MUSK: variants seen among roughly 807,000 people sequenced by gnomAD.
The protein encoded by MUSK is muscle associated receptor tyrosine kinase.
In MUSK, 55 loss-of-function variants were observed where a neutral mutation model predicts 88.7. That is an observed-to-expected ratio of 0.62 (90% confidence interval 0.50 to 0.78). The LOEUF (loss-of-function observed/expected upper bound fraction) is 0.78. Among genes scored for constraint, MUSK ranks in the 30% least tolerant of loss-of-function variants. The probability of loss-of-function intolerance (pLI) is 0.00; values close to 1 mark genes in which losing one functional copy is unlikely to be tolerated. For synonymous variants in MUSK, 387 were observed against 391.9 expected (o/e 0.99, Z 0.15); for missense variants, 1,015 against 1,074.3 (o/e 0.94, Z 0.77).
intron 2 of MUSK, among the ~76,000 whole-genome samples, 156 bp downstream of exon 2, chr9:110,682,956 A>T (rs1587891061): frequency 2.0e-5 from 3 of 152,100 alleles, no homozygotes. Context: ...CCCCTCAAGC[A>T]TTAATCATTT....
chr9:110,722,002 T>C lies in MUSK; in HGVS notation c.629-12249T>C, dbSNP rs143123412. 2.9e-3 allele frequency among the ~76,000 whole-genome samples: 438 copies of C among 152,252 alleles called. 3 individuals carry two copies. Among genetic ancestry groups the C allele is most frequent in the African/African-American group, 0.01 (424 of 41,564 alleles). On this transcript the variant is annotated intron_variant, in intron 5 of 14. Transcript: ENST00000374448. Reference sequence around the variant, plus strand: ...AGTATAAAGTGGGGAAAGGACACCCTATTCAATAAATGGTGCTGGGATAAT... The same window carrying C: ...AGTATAAAGTGGGGAAAGGACACCCCATTCAATAAATGGTGCTGGGATAAT...
rs534577730 is a variant in MUSK at position 110,760,392 on chromosome 9, A to G, written c.914-1810A>G. On this transcript the variant is annotated intron_variant, in intron 7 of 14. Coordinates refer to ENST00000374448, the MANE Select transcript of MUSK (RefSeq NM_005592.4). ...ATACTACGTGGTCATAAAAAATAAT[A>G]AGATCATGTCCTTTGCAGGAACATG... Among the ~76,000 whole-genome samples, 13 of 152,282 alleles carry G rather than the reference A, an allele frequency of 8.5e-5. No individual in the cohort carries two copies. The East Asian group carries it at 2.5e-3, about 29-fold the overall frequency.
chr9:110,703,386 C>T (rs922478060), intron 5 of MUSK, among the ~76,000 whole-genome samples: 7 of 151,746 alleles, frequency 4.6e-5, no homozygotes, highest in African/African-American at 7.3e-5. Context: ...AAAAATTAGC[C>T]GGGCGTGGTG....
chr9:110,699,236 A>G (rs1486640911), intron 5 of MUSK, among the ~76,000 whole-genome samples: 1 of 152,130 alleles, frequency 6.6e-6, no homozygotes. Flanking sequence ...TTAGTGCTTT[A>G]AAAGTTAATA....
chr9:110,689,322 AAATATATATTT>A (rs2076251708), intron 3 of MUSK, among the ~76,000 whole-genome samples: 1 of 117,488 alleles, frequency 8.5e-6, no homozygotes, highest in South Asian at 2.5e-4. Context: ...AATATATATT[AAATATATATTT>A]AAATATAAAT....
chr9:110,774,713 ATTG>A (rs977565106), intron 9 of MUSK, among the ~76,000 whole-genome samples: 2 of 152,144 alleles, frequency 1.3e-5, no homozygotes, highest in African/African-American at 4.8e-5. Context: ...TATAAATCCC[ATTG>A]TTTTCTTCAT....
intron 7 of MUSK, among the ~76,000 whole-genome samples, chr9:110,750,083 G>GGA (rs919794903): frequency 6.2e-5 from 4 of 64,936 alleles, no homozygotes; most frequent in South Asian, 5.5e-4. Flanking sequence ...ACACACACAT[G>GGA]GAGAGAGAGA....
chr9:110,713,910 G>T (rs560073434), intron 5 of MUSK, among the ~76,000 whole-genome samples: 1 of 152,218 alleles, frequency 6.6e-6, no homozygotes, highest in African/African-American at 2.4e-5. Flanking sequence ...ACGTACCATG[G>T]TTATACAGGA....
At chr9:110,733,029 G>A (rs535181548) in intron 5 of MUSK, among the ~76,000 whole-genome samples, 2 of 152,158 alleles carry the variant, frequency 1.3e-5, no homozygotes, top group South Asian at 4.1e-4. Context: ...AGCACATGTG[G>A]TCTCCCATAC....
intron 6 of MUSK, among the ~76,000 whole-genome samples, chr9:110,743,029 G>A (rs1321359552): frequency 1.3e-5 from 2 of 152,236 alleles, no homozygotes; most frequent in Non-Finnish European, 2.9e-5. Context: ...ATTTTTGGTG[G>A]AATGAACAAA....
chr9:110,777,747 A>T (rs2077693278), intron 11 of MUSK, among the ~76,000 whole-genome samples: 1 of 152,110 alleles, frequency 6.6e-6, no homozygotes, highest in Admixed American at 6.5e-5. Context: ...GGAACAATAC[A>T]CAAAAAAGCA....
intron 8 of MUSK, among the ~76,000 whole-genome samples, chr9:110,763,424 G>C (rs978297088): frequency 2.6e-5 from 4 of 152,112 alleles, no homozygotes; most frequent in Non-Finnish European, 5.9e-5. Context: ...ATTAATAAAA[G>C]TGCCATTTAA....
At position 110,734,231 on chromosome 9, in the gene MUSK, C is replaced by T. The variant is rs541837623; in HGVS notation, c.629-20C>T. 6.2e-7 allele frequency: 1 copy of T among 1,602,924 alleles called. No homozygotes were observed. Among genetic ancestry groups the T allele is most frequent in the Non-Finnish European group, 8.5e-7 (1 of 1,174,156 alleles). On this transcript the variant is annotated intron_variant, in intron 5 of 14. Transcript: ENST00000374448. ...CATTTCCTGCAGGAGCGTCACTCACCACTTCTGTCTTCCTAACAGTTTTTG... is the reference window on the plus strand; with the variant it reads ...CATTTCCTGCAGGAGCGTCACTCACTACTTCTGTCTTCCTAACAGTTTTTG...
At chr9:110,766,670 A>G (rs1588012766) in intron 8 of MUSK, among the ~76,000 whole-genome samples, 1 of 152,318 alleles carries the variant, frequency 6.6e-6, no homozygotes, top group South Asian at 2.1e-4. Flanking sequence ...TCACGTAACA[A>G]TTTTAAAATT....
intron 7 of MUSK, among the ~76,000 whole-genome samples, chr9:110,757,550 A>G (rs77333759): frequency 0.095 from 14,417 of 151,610 alleles, 724 homozygotes; most frequent in Middle Eastern, 0.16. Context: ...CTAATACTTT[A>G]TCACATATAG....
intron 14 of MUSK, among the ~76,000 whole-genome samples, chr9:110,790,450 C>T (rs1413765032): frequency 1.3e-5 from 2 of 152,064 alleles, no homozygotes; most frequent in East Asian, 3.9e-4. Context: ...GAGAATGATC[C>T]CGTAAAGAGA....
intron 3 of MUSK, among the ~76,000 whole-genome samples, chr9:110,690,857 T>TATATATAAATATAAGTATATATATAA (rs1564221137): frequency 4.9e-4 from 67 of 135,484 alleles, no homozygotes; most frequent in Non-Finnish European, 8.0e-4. Flanking sequence ...TATATATAAA[T>TATATATAAATATAAGTATATATATAA]ATATATATTT....
intron 11 of MUSK, 121 bp from the exon 12 acceptor site, chr9:110,784,694 A>G: frequency 2.9e-6 from 2 of 691,580 alleles, no homozygotes; most frequent in South Asian, 5.0e-5. Flanking sequence ...ATATATAACC[A>G]GGGAGAACCT....
At chr9:110,789,848 T>C (rs991175077) in intron 14 of MUSK, among the ~76,000 whole-genome samples, 2 of 152,154 alleles carry the variant, frequency 1.3e-5, no homozygotes, top group Non-Finnish European at 2.9e-5. Context: ...AAGTTAAGGA[T>C]GCATGTGGAT....
Sources: gnomAD v4.1 joint callset for allele counts (sites outside exome capture counted in the v4.1 genomes callset) on GRCh38, gnomAD v4.1.1 for gene constraint, MANE v1.5 for transcripts, NCBI Gene and HGNC (gene_info 2026-07-23, HGNC 2026-07-21) for gene names.